The following IRAG1 variants were observed in gnomAD, a reference collection of about 807,000 sequenced individuals.
The protein encoded by IRAG1 is inositol 1,4,5-triphosphate receptor associated 1.
In IRAG1, 62 loss-of-function variants were observed where a neutral mutation model predicts 106.2. That is an observed-to-expected ratio of 0.58 (90% CI 0.48 to 0.72). IRAG1 has a LOEUF of 0.72. IRAG1 is among the 30% of genes least tolerant of loss of function. IRAG1 has a pLI of 0.00. For missense variants in IRAG1, 1,064 were observed against 1,140.7 expected, an observed-to-expected ratio of 0.93 and a Z score of 0.97; for synonymous variants, 462 against 443.9, an observed-to-expected ratio of 1.04 and a Z score of -0.51.
rs1856484704 is a variant in IRAG1 at position 10,628,960 on chromosome 11, A to C, written c.575-132T>G. 1.2e-6 allele frequency: 1 copy of C among 810,370 alleles called. No individual in the cohort carries two copies. The highest frequency in any genetic ancestry group is 3.0e-5 in the East Asian group (1 of 33,474). The allele number at this position is 810,370 out of a possible 1,614,324, so 50.2% of individuals were successfully genotyped here. ...TGCTGGGCTCAGGGGCTGATGCTGG[A>C]CTGCAATATGATGCTCCTGTTACAG... On this transcript the variant is annotated intron_variant, in intron 5 of 20. Transcript: ENST00000423302. The surrounding 1 kb of genome is among the most constrained non-coding windows in gnomAD (Gnocchi z 4.1).
Position 10,609,436 on chromosome 11 carries a change from A to G in IRAG1, c.1571+292T>C, listed in dbSNP as rs79713602. ...GGTAAATGGTGTATCTGGGATTGAA[A>G]CCCATGTCTCCTGGCTCAAAGCCCA... On this transcript the variant is annotated intron_variant, in intron 11 of 20. Transcript: ENST00000423302. 2.9e-3 allele frequency among the ~76,000 whole-genome samples: 441 copies of G among 152,130 alleles called. 1 individual carries two copies. Among genetic ancestry groups the G allele is most frequent in the African/African-American group, 0.01 (433 of 41,498 alleles).
intron 18 of IRAG1, among the ~76,000 whole-genome samples, chr11:10,584,554 T>TATATATAA (rs1330829415): frequency 7.5e-5 from 7 of 93,344 alleles, no homozygotes; most frequent in Admixed American, 1.9e-4. Flanking sequence ...ATGAAATATA[T>TATATATAA]ATATATATAT....
In IRAG1 at chr11:10,633,961, C is replaced by T; in HGVS notation, c.329+7G>A. 1 of 1,591,016 alleles carries T rather than the reference C, an allele frequency of 6.3e-7. No homozygotes were observed. Among genetic ancestry groups the T allele is most frequent in the Non-Finnish European group, 8.6e-7 (1 of 1,160,894 alleles). On this transcript the variant is annotated splice_region_variant and intron_variant, in intron 3 of 20. Transcript: ENST00000423302. ...TTTGTCACAATGCAAGGATCAGGCA[C>T]CTGTACCTGTTGGCCAGGTTTTTGT...
At chr11:10,669,709 C>A (rs1589952293) in intron 1 of IRAG1, among the ~76,000 whole-genome samples, 1 of 152,230 alleles carries the variant, frequency 6.6e-6, no homozygotes, top group Non-Finnish European at 1.5e-5. Flanking sequence ...GCAGTCCACC[C>A]TCTCTTTCAG....
chr11:10,664,650 C>G (rs1859655875), intron 1 of IRAG1, among the ~76,000 whole-genome samples: 1 of 152,176 alleles, frequency 6.6e-6, no homozygotes, highest in South Asian at 2.1e-4. Context: ...TTCCTGGCAT[C>G]CCAGGGCTGG....
At chr11:10,619,992 T>C (rs1855712025) in intron 10 of IRAG1, among the ~76,000 whole-genome samples, 1 of 152,236 alleles carries the variant, frequency 6.6e-6, no homozygotes, top group South Asian at 2.1e-4. Flanking sequence ...TAATAAAGTT[T>C]TGCTGTAGGT....
At chr11:10,674,046 C>G (rs535897539) in intron 1 of IRAG1, among the ~76,000 whole-genome samples, 18 of 152,308 alleles carry the variant, frequency 1.2e-4, no homozygotes, top group Middle Eastern at 6.8e-3. Flanking sequence ...GATGAATGTG[C>G]AGATTACTCA....
At chr11:10,690,152 G>C in intron 1 of IRAG1, 1 of 262,114 alleles carries the variant, frequency 3.8e-6, no homozygotes, top group South Asian at 3.4e-5. Context: ...GACTTTGGGA[G>C]GCTGAGGTGG....
Position 10,647,245 on chromosome 11 carries a change from G to C in IRAG1, c.225+4780C>G, listed in dbSNP as rs1858029588. ...TGGGCTTTGGGGTCAGGCTGCCTGG[G>C]CCCAGATCCTGGGCCTGCCACTTAT... On this transcript the variant is annotated intron_variant, in intron 2 of 20. Transcript: ENST00000423302. The surrounding 1 kb of genome is among the most constrained non-coding windows in gnomAD (Gnocchi z 4.3). 6.6e-6 allele frequency among the ~76,000 whole-genome samples: 1 copy of C among 152,294 alleles called. No homozygotes were observed. Among genetic ancestry groups the C allele is most frequent in the Non-Finnish European group, 1.5e-5 (1 of 68,028 alleles).
At position 10,580,713 on chromosome 11, in the gene IRAG1, A is replaced by G; in HGVS notation, c.2361-124T>C. ...ATTATGTGCTTCCTATGGTTCCACA[A>G]AACAGGAAAAAGCTGGGAAGCTCCA... On this transcript the variant is annotated intron_variant, in intron 19 of 20. Transcript: ENST00000423302. The G allele has an allele frequency of 5.0e-6, 6 of 1,195,954 alleles. No individual in the cohort carries two copies. In the South Asian group the frequency reaches 6.2e-5, roughly 12 times the overall value. The allele number at this position is 1,195,954 out of a possible 1,614,324, so 74.1% of individuals were successfully genotyped here.
At chr11:10,629,887 G>C in intron 4 of IRAG1, 176 bp from the exon 5 acceptor site, 1 of 632,110 alleles carries the variant, frequency 1.6e-6, no homozygotes, top group Non-Finnish European at 2.7e-6. Flanking sequence ...TCCTCTGCAG[G>C]CCTGGCCCCT....
At chr11:10,631,960 T>A in intron 4 of IRAG1, 31 bp downstream of exon 4, 1 of 1,600,368 alleles carries the variant, frequency 6.2e-7, no homozygotes, top group Non-Finnish European at 8.6e-7. Context: ...GTCTTTCTAC[T>A]CAACATGCCT....
Position 10,576,415 on chromosome 11 carries a change from G to A in IRAG1, c.2656C>T (p.Leu886Phe). 6.2e-7 allele frequency: 1 copy of A among 1,613,986 alleles called. No homozygotes were observed. Among genetic ancestry groups the A allele is most frequent in the Non-Finnish European group, 8.5e-7 (1 of 1,179,892 alleles). The part of the protein sequence containing the change: ...NSCAEQADGP[L>F]GRSTCSAAQR... ...GCTGCCGAGCAAGTGGATCTTCCAA[G>A]GGGCCCATCAGCCTGCTCTGCACAA... Residue 886 changes from leucine to phenylalanine, a missense_variant, in exon 21 of 21, where the codon CTT becomes TTT. Leu to Phe is a conservative substitution (Grantham distance 22). Coordinates refer to ENST00000423302, the MANE Select transcript of IRAG1 (RefSeq NM_130385.4).
chr11:10,656,209 T>A (rs1858912792), intron 1 of IRAG1, among the ~76,000 whole-genome samples: 1 of 152,244 alleles, frequency 6.6e-6, no homozygotes, highest in Admixed American at 6.5e-5. Flanking sequence ...GTCTCCAAGC[T>A]GTTCCTTCTT....
At chr11:10,662,562 A>C (rs1859481278) in intron 1 of IRAG1, among the ~76,000 whole-genome samples, 1 of 152,208 alleles carries the variant, frequency 6.6e-6, no homozygotes, top group Non-Finnish European at 1.5e-5. Flanking sequence ...CCTAAGCCTA[A>C]CAGAAGACCA....
chr11:10,591,096 G>A (rs1013108483), intron 18 of IRAG1, among the ~76,000 whole-genome samples: 5 of 152,164 alleles, frequency 3.3e-5, no homozygotes, highest in African/African-American at 1.2e-4. Context: ...CTGTCTGGAG[G>A]GGATCCCAGG....
intron 17 of IRAG1, 132 bp downstream of exon 17, chr11:10,593,360 G>T: frequency 1.5e-6 from 1 of 664,840 alleles, no homozygotes; most frequent in South Asian, 1.9e-5. Flanking sequence ...CTATCACTCA[G>T]ATTCTATTCT....
chr11:10,690,927 G>GCAGGGC (rs1862007357), intron 1 of IRAG1, among the ~76,000 whole-genome samples: 1 of 152,166 alleles, frequency 6.6e-6, no homozygotes, highest in Non-Finnish European at 1.5e-5. Flanking sequence ...AGGGGCAGGG[G>GCAGGGC]CAGGGCCAGA....
chr11:10,594,431 C>A (rs894733425), intron 15 of IRAG1, among the ~76,000 whole-genome samples: 1 of 152,072 alleles, frequency 6.6e-6, no homozygotes, highest in African/African-American at 2.4e-5. Flanking sequence ...CTATAGGAAG[C>A]CCCAGTCTTG....
Sources: gnomAD v4.1 joint callset for allele counts (sites outside exome capture counted in the v4.1 genomes callset) on GRCh38, gnomAD v4.1.1 for gene constraint, Gnocchi (gnomAD v3.1) non-coding constraint, MANE v1.5 for transcripts, NCBI Gene and HGNC (gene_info 2026-07-23, HGNC 2026-07-21) for gene names.